KCNIP4: variants seen among roughly 807,000 people sequenced by gnomAD.
The protein encoded by KCNIP4 is potassium voltage-gated channel interacting protein 4, also known as Kv channel-interacting protein 4.
In KCNIP4, 12 loss-of-function variants were observed where a neutral mutation model predicts 34.0. That is an observed-to-expected ratio of 0.35 (90% CI 0.23 to 0.57). The LOEUF is 0.57. Among genes scored for constraint, KCNIP4 ranks in the 20% least tolerant of loss-of-function variants. The probability of loss-of-function intolerance (pLI) is 0.83; values close to 1 mark genes in which losing one functional copy is unlikely to be tolerated. For synonymous variants in KCNIP4, 124 were observed against 102.2 expected, an observed-to-expected ratio of 1.21 and a Z score of -1.29; for missense variants, 238 against 311.7, an observed-to-expected ratio of 0.76 and a Z score of 1.78.
chr4:21,649,210 A>G (rs150316613), intron 1 of KCNIP4, among the ~76,000 whole-genome samples: 27 of 152,324 alleles, frequency 1.8e-4, no homozygotes, highest in Middle Eastern at 3.4e-3. Flanking sequence ...AAAGCATCAG[A>G]AGAGAAAGAT....
intron 1 of KCNIP4, among the ~76,000 whole-genome samples, chr4:21,513,128 G>T (rs1352789438): frequency 3.3e-5 from 5 of 152,178 alleles, no homozygotes; most frequent in African/African-American, 1.2e-4. Flanking sequence ...CATTTGTGGA[G>T]AAACAAAAAT....
chr4:20,836,302 G>C (rs1719034084), intron 3 of KCNIP4, among the ~76,000 whole-genome samples: 1 of 152,102 alleles, frequency 6.6e-6, no homozygotes, highest in African/African-American at 2.4e-5. Flanking sequence ...TAGGGCTTTT[G>C]CGCTTGCTGT....
intron 2 of KCNIP4, among the ~76,000 whole-genome samples, chr4:20,859,953 A>T (rs569181356): frequency 1.2e-4 from 18 of 152,280 alleles, no homozygotes; most frequent in Admixed American, 3.9e-4. Context: ...CCTTGCCTAT[A>T]AAGCATGAAA....
intron 3 of KCNIP4, among the ~76,000 whole-genome samples, chr4:20,823,616 A>C (rs1269629756): frequency 6.6e-6 from 1 of 152,172 alleles, no homozygotes; most frequent in Non-Finnish European, 1.5e-5. Context: ...AAGGAGAAGC[A>C]AACAATCTGA....
At chr4:21,547,201 A>G (rs1738217385) in intron 1 of KCNIP4, among the ~76,000 whole-genome samples, 1 of 152,068 alleles carries the variant, frequency 6.6e-6, no homozygotes, top group African/African-American at 2.4e-5. Context: ...CAAGTCACAT[A>G]CAGACCTGTG....
At chr4:21,282,056 CAT>C (rs1249497224) in intron 1 of KCNIP4, among the ~76,000 whole-genome samples, 2 of 152,142 alleles carry the variant, frequency 1.3e-5, no homozygotes, top group African/African-American at 2.4e-5. Context: ...ACTAAAAAGA[CAT>C]AAAACAATTC....
At chr4:21,179,765 T>C (rs1020195260) in intron 1 of KCNIP4, among the ~76,000 whole-genome samples, 3 of 152,226 alleles carry the variant, frequency 2.0e-5, no homozygotes, top group African/African-American at 7.2e-5. Flanking sequence ...ATTTTCTTTC[T>C]ATAATAGGTG....
chr4:21,738,135 A>T (rs928264218), intron 1 of KCNIP4, among the ~76,000 whole-genome samples: 2 of 98,526 alleles, frequency 2.0e-5, no homozygotes, highest in East Asian at 2.4e-4. Flanking sequence ...AAATAAATAA[A>T]TAATAAATAA....
At chr4:21,588,029 T>G (rs1327069418) in intron 1 of KCNIP4, among the ~76,000 whole-genome samples, 1 of 152,040 alleles carries the variant, frequency 6.6e-6, no homozygotes, top group Non-Finnish European at 1.5e-5. Flanking sequence ...TCCTGTTGCT[T>G]CCATCTATTG....
chr4:21,096,168 G>C (rs1346912206), intron 1 of KCNIP4, among the ~76,000 whole-genome samples: 2 of 152,134 alleles, frequency 1.3e-5, no homozygotes, highest in African/African-American at 4.8e-5. Context: ...CAATTAACCA[G>C]ACTGTTGGTC....
chr4:21,523,046 G>T (rs935070976), intron 1 of KCNIP4, among the ~76,000 whole-genome samples: 2 of 151,830 alleles, frequency 1.3e-5, no homozygotes, highest in Non-Finnish European at 2.9e-5. Flanking sequence ...AAAAAAAAGG[G>T]GGGGACACTA....
chr4:21,103,740 C>G (rs1374097614), intron 1 of KCNIP4, among the ~76,000 whole-genome samples: 1 of 135,380 alleles, frequency 7.4e-6, no homozygotes, highest in Non-Finnish European at 1.6e-5. Context: ...CCCCCTCCCC[C>G]CACCACACAA....
chr4:21,654,690 G>A (rs1412108480), intron 1 of KCNIP4, among the ~76,000 whole-genome samples: 3 of 151,994 alleles, frequency 2.0e-5, no homozygotes, highest in Non-Finnish European at 2.9e-5. Context: ...TTGGGACGCC[G>A]AGGCAGGCAG....
intron 1 of KCNIP4, among the ~76,000 whole-genome samples, chr4:21,910,684 A>G (rs1374766767): frequency 6.6e-6 from 1 of 152,166 alleles, no homozygotes; most frequent in Non-Finnish European, 1.5e-5. Context: ...GCTTTTCATT[A>G]CTCTCTAATC....
At chr4:21,392,891 A>G (rs1722682567) in intron 1 of KCNIP4, among the ~76,000 whole-genome samples, 2 of 152,198 alleles carry the variant, frequency 1.3e-5, no homozygotes, top group South Asian at 4.1e-4. Context: ...ATTCTATCTC[A>G]TATCTCCCTT....
intron 1 of KCNIP4, among the ~76,000 whole-genome samples, chr4:21,052,861 A>C (rs964980112): frequency 6.6e-6 from 1 of 152,070 alleles, no homozygotes; most frequent in African/African-American, 2.4e-5. Flanking sequence ...CTGGGGCTGG[A>C]AGGGTGTAGG....
chr4:21,589,216 G>GA (rs1269930740), intron 1 of KCNIP4, among the ~76,000 whole-genome samples: 35 of 73,460 alleles, frequency 4.8e-4, no homozygotes, highest in Non-Finnish European at 8.0e-4. Context: ...ACATATATAA[G>GA]TACACATGTA....
intron 3 of KCNIP4, among the ~76,000 whole-genome samples, chr4:20,825,672 G>T (rs902857295): frequency 6.6e-6 from 1 of 152,202 alleles, no homozygotes; most frequent in Non-Finnish European, 1.5e-5. Flanking sequence ...CCAGTGAGAG[G>T]TGTGGGCTGG....
intron 1 of KCNIP4, among the ~76,000 whole-genome samples, chr4:21,310,341 A>G (rs1007990158): frequency 1.3e-5 from 2 of 151,984 alleles, no homozygotes. Flanking sequence ...CAGCCTTGCC[A>G]GAGAATTTAC....
Sources: allele counts gnomAD v4.1 joint callset (sites outside exome capture counted in the v4.1 genomes callset), GRCh38; gene constraint gnomAD v4.1.1; transcripts MANE v1.5; gene names NCBI Gene and HGNC (gene_info 2026-07-23, HGNC 2026-07-21).